The following DNAH6 variants were observed in gnomAD, a reference collection of about 807,000 sequenced individuals.
The protein encoded by DNAH6 is axonemal beta dynein heavy chain 6.
Under a neutral mutation model 491.4 loss-of-function variants are expected in DNAH6, and 340 were observed. That is an observed-to-expected ratio of 0.69 (90% confidence interval 0.63 to 0.76). The LOEUF is 0.76. Ranked by LOEUF, DNAH6 falls within the 30% of genes least tolerant of loss-of-function variation. The probability of loss-of-function intolerance (pLI) is 0.00; values close to 1 mark genes in which losing one functional copy is unlikely to be tolerated. For synonymous variants in DNAH6, 1,603 were observed against 1,686.1 expected (o/e 0.95, Z 1.21); for missense variants, 4,443 against 4,972.2 (o/e 0.89, Z 3.20).
Position 84,816,009 on chromosome 2 carries a change from A to G in DNAH6, c.12299A>G (p.Tyr4100Cys), listed in dbSNP as rs555037011. The change falls in exon 76 of 77, where the codon TAT becomes TGT. Residue 4100 changes from tyrosine (Y) to cysteine (C), a missense_variant. Physicochemically the swap from Tyr to Cys is radical, Grantham distance 194. Around this residue, in one of 3 missense-constraint regions of DNAH6, gnomAD observed 1,463 missense variants for 1,656.6 expected, o/e 0.88. Coordinates refer to ENST00000389394, the MANE Select transcript of DNAH6 (RefSeq NM_001370.2). The part of the protein sequence containing the change: ...PVVHFEPQQN[Y>C]KPSPTLYHCP... ...GTGCATTTTGAACCACAACAAAACT[A>G]TAAGCCAAGCCCAACACTTTACCAC... 67 of 1,551,876 alleles carry G rather than the reference A, an allele frequency of 4.3e-5. No individual in the cohort carries two copies. The South Asian group carries it at 5.2e-4, about 12-fold the overall frequency.
chr2:84,579,108 G>A (rs746721820), intron 13 of DNAH6, among the ~76,000 whole-genome samples: 11 of 152,026 alleles, frequency 7.2e-5, no homozygotes, highest in Non-Finnish European at 1.0e-4. Flanking sequence ...TGATCAGTTT[G>A]GCCAAAAAAG....
intron 45 of DNAH6, among the ~76,000 whole-genome samples, chr2:84,692,087 C>T (rs1694916926): frequency 6.6e-6 from 1 of 152,238 alleles, no homozygotes; most frequent in South Asian, 2.1e-4. Flanking sequence ...TCCTCGTAGA[C>T]TCCCTGTTGT....
chr2:84,703,613 C>G, intron 50 of DNAH6, 51 bp downstream of exon 50: 3 of 1,454,854 alleles, frequency 2.1e-6, no homozygotes, highest in Non-Finnish European at 2.8e-6. Flanking sequence ...AGCAACTGAT[C>G]ACTTATATAT....
chr2:84,562,774 A>C (rs1399052250), intron 11 of DNAH6, among the ~76,000 whole-genome samples: 1 of 152,212 alleles, frequency 6.6e-6, no homozygotes, highest in Non-Finnish European at 1.5e-5. Flanking sequence ...ACACAAGTGA[A>C]ATATCACCTA....
the DNAH6 span, among the ~76,000 whole-genome samples, chr2:84,469,860 G>A: frequency 6.6e-6 from 1 of 152,062 alleles, no homozygotes; most frequent in Non-Finnish European, 1.5e-5. This position sits in a 1 kb window ranked among gnomAD's most constrained non-coding sequence, Gnocchi z 4.0. Context: ...TAGCCAAGAG[G>A]GACTTTACCA....
upstream of DNAH6, among the ~76,000 whole-genome samples, chr2:84,515,977 G>A (rs566182790): frequency 1.3e-5 from 2 of 152,276 alleles, no homozygotes; most frequent in African/African-American, 4.8e-5. Context: ...GGAAGAGGAG[G>A]CCACATTTCT....
intron 64 of DNAH6, 69 bp from the exon 65 acceptor site, chr2:84,781,424 A>T: frequency 7.5e-7 from 1 of 1,325,488 alleles, no homozygotes; most frequent in Non-Finnish European, 1.0e-6. Context: ...TACTGTATTT[A>T]TATTTCTTCA....
At chr2:84,695,253 C>A (rs1264633359) in intron 46 of DNAH6, among the ~76,000 whole-genome samples, 1 of 151,930 alleles carries the variant, frequency 6.6e-6, no homozygotes, top group Non-Finnish European at 1.5e-5. Flanking sequence ...GCTTTAAACA[C>A]CTGAAGAAAT....
At chr2:84,687,225 T>G (rs1192305) in intron 44 of DNAH6, among the ~76,000 whole-genome samples, 49,790 of 152,106 alleles carry the variant, frequency 0.33, 9,744 homozygotes, top group African/African-American at 0.56. Flanking sequence ...GAATAAATCT[T>G]CTATCTCACT....
At chr2:84,502,040 A>G in the DNAH6 span, among the ~76,000 whole-genome samples, 1 of 151,446 alleles carries the variant, frequency 6.6e-6, no homozygotes, top group African/African-American at 2.4e-5. Context: ...TTCTGCTCTG[A>G]TCTATATTAT....
chr2:84,526,181 G>T (rs1200075830), intron 3 of DNAH6, among the ~76,000 whole-genome samples: 1 of 151,756 alleles, frequency 6.6e-6, no homozygotes. Flanking sequence ...GCTCAGGGAA[G>T]AAATCACCAG....
Position 84,624,809 on chromosome 2 carries a change from G to A in DNAH6, c.4354-93G>A, listed in dbSNP as rs1167715635. ...TATTTCAATTGCTATATTTTTCATA[G>A]AAAATAATAATCCTTCCCCCATAGA... On this transcript the variant is annotated intron_variant, in intron 28 of 76. Transcript: ENST00000389394. 1.3e-5 allele frequency: 18 copies of A among 1,346,690 alleles called. No homozygotes were observed. In the East Asian group the frequency reaches 4.5e-4, roughly 34 times the overall value. 83.4% of individuals were successfully genotyped at this position (1,346,690 alleles called of 1,614,324 possible).
chr2:84,550,150 T>G, intron 9 of DNAH6, 93 bp downstream of exon 9: 1 of 855,798 alleles, frequency 1.2e-6, no homozygotes, highest in Non-Finnish European at 1.6e-6. Flanking sequence ...TTCTGTGCAC[T>G]AAAAAAAAAA....
chr2:84,595,864 G>A lies in DNAH6; in HGVS notation c.2868+75G>A. 7 of 1,372,376 alleles carry A rather than the reference G, an allele frequency of 5.1e-6. No individual in the cohort carries two copies. In the Admixed American group the frequency reaches 2.0e-4, roughly 39 times the overall value. The allele number at this position is 1,372,376 out of a possible 1,614,324, so 85.0% of individuals were successfully genotyped here. On this transcript the variant is annotated intron_variant, in intron 18 of 76. Coordinates refer to ENST00000389394, the MANE Select transcript of DNAH6 (RefSeq NM_001370.2). ...ATTGATGCTAATGAGACCAAAATCA[G>A]GAATTTTTCCCTGATTAAGTTAGTC...
chr2:84,470,319 C>T, the DNAH6 span, among the ~76,000 whole-genome samples: 4 of 152,052 alleles, frequency 2.6e-5, no homozygotes, highest in South Asian at 6.2e-4. Flanking sequence ...TAATTCAGAG[C>T]GAGTCCACAG....
At chr2:84,769,093 C>T (rs935552966) in intron 64 of DNAH6, among the ~76,000 whole-genome samples, 3 of 152,198 alleles carry the variant, frequency 2.0e-5, no homozygotes, top group Admixed American at 6.5e-5. Flanking sequence ...GTACAATTGC[C>T]CTGCTGATGC....
intron 61 of DNAH6, among the ~76,000 whole-genome samples, chr2:84,731,245 G>T (rs901463512): frequency 2.0e-5 from 3 of 152,144 alleles, no homozygotes; most frequent in Non-Finnish European, 2.9e-5. Flanking sequence ...CCCACTGCCA[G>T]TTAAAGGGCC....
the DNAH6 span, among the ~76,000 whole-genome samples, chr2:84,501,168 T>TTTATGGTTTTTA: frequency 6.6e-6 from 1 of 152,180 alleles, no homozygotes; most frequent in African/African-American, 2.4e-5. Flanking sequence ...GGGTCTGTCA[T>TTTATGGTTTTTA]TTATGGTTTT....
intron 60 of DNAH6, among the ~76,000 whole-genome samples, chr2:84,726,534 A>T (rs1698647712): frequency 6.6e-6 from 1 of 150,910 alleles, no homozygotes; most frequent in African/African-American, 2.5e-5. Flanking sequence ...TATCACAAGG[A>T]CAAAAAACCA....
Sources: allele counts gnomAD v4.1 joint callset (sites outside exome capture counted in the v4.1 genomes callset), GRCh38; gene constraint gnomAD v4.1.1; regional missense constraint gnomAD v4.1.1; non-coding constraint Gnocchi (gnomAD v3.1); transcripts MANE v1.5; gene names NCBI Gene and HGNC (gene_info 2026-07-23, HGNC 2026-07-21).